Variants in ME1 observed in about 807,000 individuals in gnomAD.
ME1 encodes malic enzyme 1.
In ME1, 74 loss-of-function variants were observed where a neutral mutation model predicts 66.4. The ratio of observed to expected loss-of-function variants is 1.11; its 90% CI spans 0.92 to 1.35. The LOEUF (loss-of-function observed/expected upper bound fraction) is 1.35. Ranked by LOEUF, ME1 falls within the 40% of genes most tolerant of loss-of-function variation. The probability of loss-of-function intolerance (pLI) is 0.00; values close to 1 mark genes in which losing one functional copy is unlikely to be tolerated. For missense variants in ME1, 750 were observed against 694.1 expected (o/e 1.08, Z -0.90); for synonymous variants, 251 against 235.6 (o/e 1.07, Z -0.60).
At chr6:83,225,666 G>A (rs1583327302) in intron 11 of ME1, among the ~76,000 whole-genome samples, 1 of 151,934 alleles carries the variant, frequency 6.6e-6, no homozygotes, top group East Asian at 1.9e-4. Flanking sequence ...ACAGAATTCG[G>A]TTTTGTTTTC....
At chr6:83,403,039 C>T (rs1769866261) in intron 2 of ME1, among the ~76,000 whole-genome samples, 1 of 152,176 alleles carries the variant, frequency 6.6e-6, no homozygotes, top group African/African-American at 2.4e-5. Context: ...GATATACTGA[C>T]TCTGCATCAT....
intron 6 of ME1, among the ~76,000 whole-genome samples, chr6:83,297,591 TA>T (rs1767622432): frequency 8.5e-6 from 1 of 117,470 alleles, no homozygotes; most frequent in Admixed American, 8.5e-5. Flanking sequence ...TCTTTTTTTT[TA>T]AATATTATTT....
chr6:83,301,150 C>A (rs1767708482), intron 6 of ME1, among the ~76,000 whole-genome samples: 1 of 151,544 alleles, frequency 6.6e-6, no homozygotes, highest in Non-Finnish European at 1.5e-5. Context: ...ACACATGTAA[C>A]AAACCTGCAC....
At chr6:83,414,616 T>A (rs887304016) in intron 1 of ME1, among the ~76,000 whole-genome samples, 242 of 152,096 alleles carry the variant, frequency 1.6e-3, no homozygotes, top group Middle Eastern at 6.8e-3. Flanking sequence ...AATTTTTTTT[T>A]AAAAAAAGAA....
intron 6 of ME1, among the ~76,000 whole-genome samples, chr6:83,294,231 T>TA (rs1191635232): frequency 6.6e-6 from 1 of 152,244 alleles, no homozygotes; most frequent in African/African-American, 2.4e-5. Context: ...CTGCTAATTT[T>TA]ACACTGTAAA....
chr6:83,286,727 C>A (rs994934975), intron 6 of ME1, among the ~76,000 whole-genome samples: 5 of 152,066 alleles, frequency 3.3e-5, no homozygotes, highest in Admixed American at 3.3e-4. Context: ...AACACAGGAG[C>A]AGGCTGGCTA....
rs557981288 is a variant in ME1, at chr6:83,368,907, T to C, written c.363-16768A>G. On this transcript the variant is annotated intron_variant, in intron 3 of 13. Coordinates refer to ENST00000369705, the MANE Select transcript of ME1 (RefSeq NM_002395.6). ...GTCTTTCCCAATCCTGAACTTGCCA[T>C]AGAAAATTTTCCCATTTTATTTTCA... Among the ~76,000 whole-genome samples, 22 of 152,260 alleles carry C rather than the reference T, an allele frequency of 1.4e-4. No homozygotes were observed. The South Asian group carries it at 4.1e-3, about 29-fold the overall frequency.
intron 1 of ME1, among the ~76,000 whole-genome samples, chr6:83,419,474 G>C (rs949669410): frequency 2.6e-5 from 4 of 152,096 alleles, no homozygotes; most frequent in African/African-American, 4.8e-5. Context: ...TTCATGTCCT[G>C]TATCAATAAC....
intron 6 of ME1, among the ~76,000 whole-genome samples, chr6:83,257,827 C>A (rs1415786238): frequency 6.6e-6 from 1 of 152,088 alleles, no homozygotes; most frequent in Non-Finnish European, 1.5e-5. Flanking sequence ...TCTAAGCAGG[C>A]CTTTAGAAAG....
At chr6:83,328,848 C>G (rs1302095494) in intron 5 of ME1, among the ~76,000 whole-genome samples, 1 of 151,692 alleles carries the variant, frequency 6.6e-6, no homozygotes, top group Non-Finnish European at 1.5e-5. Context: ...AATTTACAAG[C>G]CTGAGAAAAG....
chr6:83,339,876 C>T (rs1437956263), intron 5 of ME1, among the ~76,000 whole-genome samples: 3 of 125,958 alleles, frequency 2.4e-5, no homozygotes, highest in Non-Finnish European at 3.3e-5. Flanking sequence ...TGCTAGATGA[C>T]ACGTTAGTGG....
intron 6 of ME1, among the ~76,000 whole-genome samples, chr6:83,285,708 C>G (rs1426510279): frequency 6.6e-6 from 1 of 152,038 alleles, no homozygotes; most frequent in African/African-American, 2.4e-5. Context: ...TGGGAGTGCA[C>G]CTGAAGTGTA....
intron 7 of ME1, among the ~76,000 whole-genome samples, chr6:83,248,943 T>G (rs555904122): frequency 2.0e-5 from 3 of 152,310 alleles, no homozygotes; most frequent in South Asian, 4.1e-4. Context: ...ATTTCCAGAT[T>G]ATTCCATTTC....
intron 6 of ME1, among the ~76,000 whole-genome samples, chr6:83,300,507 A>G (rs1767694060): frequency 6.6e-6 from 1 of 152,032 alleles, no homozygotes; most frequent in Non-Finnish European, 1.5e-5. Flanking sequence ...TCTAACATCC[A>G]TTATCTATAG....
At chr6:83,379,516 C>G (rs1769355493) in intron 3 of ME1, among the ~76,000 whole-genome samples, 1 of 151,956 alleles carries the variant, frequency 6.6e-6, no homozygotes, top group Non-Finnish European at 1.5e-5. Flanking sequence ...TCTATGAATG[C>G]TTGTAAACAC....
At chr6:83,359,501 G>C (rs927259688) in intron 3 of ME1, among the ~76,000 whole-genome samples, 7 of 152,214 alleles carry the variant, frequency 4.6e-5, no homozygotes, top group Non-Finnish European at 7.3e-5. Flanking sequence ...CCACTAAATA[G>C]GAACTCTGCA....
chr6:83,281,837 A>G (rs1767298313), intron 6 of ME1, among the ~76,000 whole-genome samples: 1 of 115,876 alleles, frequency 8.6e-6, no homozygotes, highest in Admixed American at 8.9e-5. Context: ...AAAAAAAAAG[A>G]AAAGAAAACA....
Position 83,430,912 on chromosome 6 carries a change from C to A in ME1, c.43G>T (p.Gly15Cys), listed in dbSNP as rs566956678. 1.2e-6 allele frequency: 2 copies of A among 1,602,206 alleles called. No homozygotes were observed. Among genetic ancestry groups the A allele is most frequent in the Admixed American group, 1.7e-5 (1 of 59,088 alleles). ...TGAGGGTTCCGTGTCAGCAGGTAGC[C>A]GCGCTGATGGGTGTGGCGGCGACGG... ...APRRRHTHQRGYLLTRNPHLN... is the reference protein window; with the variant it reads ...APRRRHTHQRCYLLTRNPHLN... The change falls in exon 1 of 14, where the codon GGC becomes TGC. Residue 15 changes from glycine to cysteine, a missense_variant. Transcript: ENST00000369705.
intron 6 of ME1, among the ~76,000 whole-genome samples, chr6:83,307,780 T>G (rs1767853635): frequency 7.1e-6 from 1 of 139,928 alleles, no homozygotes; most frequent in South Asian, 2.1e-4. Flanking sequence ...TAGTGTAGAG[T>G]TGGACGAAAC....
Sources: gnomAD v4.1 joint callset for allele counts (sites outside exome capture counted in the v4.1 genomes callset) on GRCh38, gnomAD v4.1.1 for gene constraint, MANE v1.5 for transcripts, NCBI Gene and HGNC (gene_info 2026-07-23, HGNC 2026-07-21) for gene names.